The following UBE4B variants were observed in gnomAD, a reference collection of about 807,000 sequenced individuals.
UBE4B encodes ubiquitin conjugation factor E4 B.
In UBE4B, 27 loss-of-function variants were observed where a neutral mutation model predicts 148.1. That is an observed-to-expected ratio of 0.18 (90% CI 0.13 to 0.25). The LOEUF (loss-of-function observed/expected upper bound fraction) is 0.25, where lower values mean the gene tolerates loss of function less well. Among genes scored for constraint, UBE4B ranks in the 10% least tolerant of loss-of-function variants. UBE4B has a pLI of 1.00. For missense variants in UBE4B, 1,170 were observed against 1,662.4 expected (o/e 0.70, Z 5.15); for synonymous variants, 596 against 619.3 (o/e 0.96, Z 0.56).
At chr1:10,107,224 T>A (rs538198864) in intron 7 of UBE4B, 5 of 1,289,536 alleles carry the variant, frequency 3.9e-6, no homozygotes, top group Non-Finnish European at 5.1e-6. Context: ...TGTGGTAGTA[T>A]GTACGACAAT....
intron 7 of UBE4B, among the ~76,000 whole-genome samples, chr1:10,107,576 CT>C (rs60975850): frequency 0.17 from 21,589 of 128,054 alleles, 2,159 homozygotes; most frequent in African/African-American, 0.37. Context: ...TTCTTTCTTT[CT>C]TTTTTTTTTT....
intron 21 of UBE4B, among the ~76,000 whole-genome samples, chr1:10,155,892 T>C (rs1435987294): frequency 6.6e-6 from 1 of 151,886 alleles, no homozygotes; most frequent in Non-Finnish European, 1.5e-5. Flanking sequence ...GGTGTGGTGG[T>C]GGGGGCCTGT....
chr1:10,136,871 G>C (rs541137851), intron 16 of UBE4B, among the ~76,000 whole-genome samples, 196 bp from the exon 17 acceptor site: 1 of 152,316 alleles, frequency 6.6e-6, no homozygotes, highest in African/African-American at 2.4e-5. Flanking sequence ...AGTAAGCCAA[G>C]ATCGTGCCAT....
In UBE4B at chr1:10,161,999, C is replaced by CTTTTCTTTTTTTTTTTT. The variant is rs1553154002; in HGVS notation, c.3198+717_3198+718insCTTTTTTTTTTTTTTTT. 8.2e-3 allele frequency among the ~76,000 whole-genome samples: 1,126 copies of CTTTTCTTTTTTTTTTTT among 136,658 alleles called. 14 individuals are homozygous for CTTTTCTTTTTTTTTTTT. Among genetic ancestry groups the CTTTTCTTTTTTTTTTTT allele is most frequent in the Non-Finnish European group, 0.014 (869 of 62,470 alleles). The allele number at this position is 136,658 out of a possible 152,430, so 89.7% of individuals were successfully genotyped here. Reference sequence around the variant, plus strand: ...GGGGACTGCTTTTTCTTCACTTTTTCTTTTTTTTTTTTTTTTGAGACGGAG... The same window carrying CTTTTCTTTTTTTTTTTT: ...GGGGACTGCTTTTTCTTCACTTTTTCTTTTCTTTTTTTTTTTTTTTTTTTTTTTTTTTTGAGACGGAG... On this transcript the variant is annotated intron_variant, in intron 23 of 27. Coordinates refer to ENST00000343090, the MANE Select transcript of UBE4B (RefSeq NM_001105562.3). This position sits in a 1 kb window ranked among gnomAD's most constrained non-coding sequence, Gnocchi z 4.1.
At chr1:10,171,947 C>T (rs1408850829) in intron 25 of UBE4B, among the ~76,000 whole-genome samples, 1 of 152,110 alleles carries the variant, frequency 6.6e-6, no homozygotes, top group East Asian at 1.9e-4. Flanking sequence ...GCGCTCTGAG[C>T]CCTCTCCAGT....
intron 10 of UBE4B, among the ~76,000 whole-genome samples, chr1:10,126,467 G>A (rs1452714160): frequency 9.9e-5 from 15 of 152,176 alleles, no homozygotes; most frequent in Admixed American, 9.8e-4. Context: ...GTAGAGCAAC[G>A]ACTCCTGGAG....
At chr1:10,173,792 C>T (rs569723992) in intron 25 of UBE4B, among the ~76,000 whole-genome samples, 8 of 152,118 alleles carry the variant, frequency 5.3e-5, no homozygotes, top group Non-Finnish European at 1.0e-4. Context: ...ACATCACAGG[C>T]GCTTAACGTA....
chr1:10,137,921 CTTTTTTTTT>C (rs70998351), intron 17 of UBE4B, among the ~76,000 whole-genome samples: 11 of 67,028 alleles, frequency 1.6e-4, no homozygotes, highest in South Asian at 1.5e-3. Context: ...CTTACTAATT[CTTTTTTTTT>C]TTTTTTTTTT....
At position 10,093,789 on chromosome 1, in the gene UBE4B, A is replaced by G. The variant is rs115385107; in HGVS notation, c.212-1672A>G. Among the ~76,000 whole-genome samples the G allele has an allele frequency of 9.7e-3, 1,476 of 151,538 alleles. 26 individuals carry two copies. Among genetic ancestry groups the G allele is most frequent in the African/African-American group, 0.034 (1,387 of 41,262 alleles). ...GGCTCACTGCAACCTCCGCCTCCCA[A>G]GTTAATGCGATTCTCCTGCCTGAAC... On this transcript the variant is annotated intron_variant, in intron 2 of 27. Transcript: ENST00000343090.
intron 1 of UBE4B, among the ~76,000 whole-genome samples, chr1:10,049,593 ATT>A (rs58272276): frequency 6.6e-6 from 1 of 151,282 alleles, no homozygotes; most frequent in African/African-American, 2.4e-5. Context: ...AAAAAAAAAA[ATT>A]TTTTTAAATT....
At chr1:10,150,918 T>C (rs1239935860) in intron 20 of UBE4B, among the ~76,000 whole-genome samples, 1 of 148,628 alleles carries the variant, frequency 6.7e-6, no homozygotes, top group Non-Finnish European at 1.5e-5. Flanking sequence ...TCCCACCATT[T>C]TGGGAGGTCG....
chr1:10,107,858 G>T (rs978634927), intron 7 of UBE4B, among the ~76,000 whole-genome samples: 7 of 152,144 alleles, frequency 4.6e-5, no homozygotes, highest in African/African-American at 1.7e-4. Context: ...GATTACAGGA[G>T]TGAGTCACTG....
chr1:10,079,700 G>A (rs1369527588), intron 2 of UBE4B, among the ~76,000 whole-genome samples: 7 of 152,158 alleles, frequency 4.6e-5, no homozygotes, highest in Non-Finnish European at 1.0e-4. Flanking sequence ...GGGCCTCTTT[G>A]GAACTAGTGA....
intron 4 of UBE4B, among the ~76,000 whole-genome samples, chr1:10,101,461 T>A (rs1330447573): frequency 6.7e-6 from 1 of 149,182 alleles, no homozygotes; most frequent in Non-Finnish European, 1.5e-5. Context: ...TAGGAACTAA[T>A]TTAGAGCAAA....
chr1:10,037,756 A>G (rs775269515), intron 1 of UBE4B, among the ~76,000 whole-genome samples: 1 of 151,418 alleles, frequency 6.6e-6, no homozygotes, highest in African/African-American at 2.4e-5. Flanking sequence ...GGGTTTCACC[A>G]TGTTGCCCAG....
chr1:10,040,277 T>C (rs937859936), intron 1 of UBE4B, among the ~76,000 whole-genome samples: 3 of 151,658 alleles, frequency 2.0e-5, no homozygotes, highest in African/African-American at 7.3e-5. Context: ...GCCCAGCTAA[T>C]TTTTTAATTT....
chr1:10,041,540 G>A (rs1217921200), intron 1 of UBE4B, among the ~76,000 whole-genome samples: 1 of 151,776 alleles, frequency 6.6e-6, no homozygotes, highest in East Asian at 1.9e-4. Flanking sequence ...TCTCCAAGTT[G>A]GCCAGGCTGG....
At chr1:10,138,264 A>AT in intron 17 of UBE4B, among the ~76,000 whole-genome samples, 1 of 151,682 alleles carries the variant, frequency 6.6e-6, no homozygotes. Flanking sequence ...CACCCAGCTA[A>AT]TTTTTTGTAT....
chr1:10,166,971 A>ACAC lies in UBE4B; in HGVS notation c.3199-1165_3199-1164insCAC, dbSNP rs376136541. Among the ~76,000 whole-genome samples, 75 of 111,890 alleles carry ACAC rather than the reference A, an allele frequency of 6.7e-4. 1 individual carries two copies. The highest frequency in any genetic ancestry group is 6.7e-3 in the East Asian group (30 of 4,508). The allele number at this position is 111,890 out of a possible 152,430, so 73.4% of individuals were successfully genotyped here. On this transcript the variant is annotated intron_variant, in intron 23 of 27. Coordinates refer to ENST00000343090, the MANE Select transcript of UBE4B (RefSeq NM_001105562.3). ...CACACACACACACACACACACACAC[A>ACAC]AAAAAAAAAAATTAGCTGGGCATGG...
Sources: gnomAD v4.1 joint callset for allele counts (sites outside exome capture counted in the v4.1 genomes callset) on GRCh38, gnomAD v4.1.1 for gene constraint, Gnocchi (gnomAD v3.1) non-coding constraint, MANE v1.5 for transcripts, NCBI Gene and HGNC (gene_info 2026-07-23, HGNC 2026-07-21) for gene names.